Variants in EXT1 observed in about 807,000 individuals in gnomAD.
The protein encoded by EXT1 is exostosin-1.
Under a neutral mutation model 82.5 loss-of-function variants are expected in EXT1, and 20 were observed. The ratio of observed to expected loss-of-function variants is 0.24; its 90% CI spans 0.17 to 0.35. EXT1 has a LOEUF of 0.35. Ranked by LOEUF, EXT1 falls within the 10% of genes least tolerant of loss-of-function variation. EXT1 has a pLI of 1.00. For missense variants in EXT1, 757 were observed against 936.5 expected (o/e 0.81, Z 2.50); for synonymous variants, 348 against 350.8 (o/e 0.99, Z 0.09).
chr8:117,951,061 C>A (rs1814481988), intron 1 of EXT1, among the ~76,000 whole-genome samples: 1 of 152,240 alleles, frequency 6.6e-6, no homozygotes, highest in African/African-American at 2.4e-5. Flanking sequence ...AGTTAAAAAA[C>A]CTAATTGTAT....
Position 117,909,315 on chromosome 8 carries a change from C to G in EXT1, c.963-72114G>C, listed in dbSNP as rs184324712. On this transcript the variant is annotated intron_variant, in intron 1 of 10. Transcript: ENST00000378204. ...TACAAGAAAGAAAATTCACTTCTAG[C>G]ATGTTATCTTTATCATCATATTAGG... Among the ~76,000 whole-genome samples, 307 of 152,230 alleles carry G rather than the reference C, an allele frequency of 2.0e-3. 1 individual carries two copies. Among genetic ancestry groups the G allele is most frequent in the South Asian group, 0.013 (64 of 4,812 alleles).
chr8:117,868,917 C>A (rs1164557082), intron 1 of EXT1, among the ~76,000 whole-genome samples: 4 of 152,194 alleles, frequency 2.6e-5, no homozygotes, highest in Non-Finnish European at 5.9e-5. Context: ...CACATTAATG[C>A]TGATGTGGAG....
chr8:118,028,468 T>C (rs1333517590), intron 1 of EXT1, among the ~76,000 whole-genome samples: 2 of 152,166 alleles, frequency 1.3e-5, no homozygotes, highest in Non-Finnish European at 1.5e-5. Flanking sequence ...GGGTGTCTGA[T>C]AGCCTGGTAG....
intron 1 of EXT1, among the ~76,000 whole-genome samples, chr8:117,877,876 C>G (rs910144738): frequency 6.6e-6 from 1 of 152,090 alleles, no homozygotes; most frequent in Non-Finnish European, 1.5e-5. Flanking sequence ...CCTAAAATTA[C>G]GCAAAGACTA....
At chr8:117,858,803 GGC>G (rs1563582126) in intron 1 of EXT1, among the ~76,000 whole-genome samples, 22 of 80,342 alleles carry the variant, frequency 2.7e-4, no homozygotes, top group African/African-American at 1.4e-3. Flanking sequence ...GGCAAGGCAA[GGC>G]AAGGCAGGAA....
chr8:117,965,242 T>G (rs955293679), intron 1 of EXT1, among the ~76,000 whole-genome samples: 1 of 152,164 alleles, frequency 6.6e-6, no homozygotes, highest in Admixed American at 6.5e-5. Context: ...TCTTTAGTCC[T>G]AAGCACAGAG....
chr8:118,069,719 GGTTTTT>G (rs1388775780), intron 1 of EXT1, among the ~76,000 whole-genome samples: 1 of 152,052 alleles, frequency 6.6e-6, no homozygotes, highest in Non-Finnish European at 1.5e-5. Context: ...CATTGGCTTG[GGTTTTT>G]GTTTTTATTT....
At chr8:117,861,126 C>A (rs1483293016) in intron 1 of EXT1, among the ~76,000 whole-genome samples, 1 of 152,154 alleles carries the variant, frequency 6.6e-6, no homozygotes, top group Non-Finnish European at 1.5e-5. Flanking sequence ...TATCTTTCAG[C>A]CCTAACAATG....
chr8:117,929,676 A>C (rs954898021), intron 1 of EXT1, among the ~76,000 whole-genome samples: 4 of 152,208 alleles, frequency 2.6e-5, no homozygotes, highest in Non-Finnish European at 5.9e-5. Flanking sequence ...GAGTATGCCA[A>C]AGGTGAAGAT....
chr8:117,799,966 A>C lies in EXT1; in HGVS notation c.2056-69T>G, dbSNP rs918690441. 1.3e-6 allele frequency: 2 copies of C among 1,542,220 alleles called. 1 individual carries two copies. Among genetic ancestry groups the C allele is most frequent in the African/African-American group, 2.7e-5 (2 of 73,428 alleles). On this transcript the variant is annotated intron_variant, in intron 10 of 10. Transcript: ENST00000378204. Reference sequence around the variant, plus strand: ...AAGGTGAGATGGAAACATTGCAGAAAATGGAGTCAGGCAAATGAGCAAGCA... The same window carrying C: ...AAGGTGAGATGGAAACATTGCAGAACATGGAGTCAGGCAAATGAGCAAGCA...
intron 1 of EXT1, among the ~76,000 whole-genome samples, chr8:117,957,953 T>C (rs942288491): frequency 1.3e-5 from 2 of 152,228 alleles, no homozygotes; most frequent in African/African-American, 4.8e-5. Context: ...GTTGAGGTGA[T>C]CTTATCTTAA....
intron 1 of EXT1, among the ~76,000 whole-genome samples, chr8:118,057,846 G>A (rs553183615): frequency 1.3e-5 from 2 of 151,712 alleles, no homozygotes; most frequent in South Asian, 4.2e-4. Flanking sequence ...GGTGGCAGGC[G>A]CCTGTAGTCC....
intron 1 of EXT1, among the ~76,000 whole-genome samples, chr8:117,949,080 G>A (rs150515598): frequency 6.6e-6 from 1 of 152,136 alleles, no homozygotes; most frequent in African/African-American, 2.4e-5. Flanking sequence ...AATATTCTTT[G>A]TTGAGAGTAT....
intron 1 of EXT1, among the ~76,000 whole-genome samples, chr8:117,859,693 CTT>C (rs1166760991): frequency 6.6e-6 from 1 of 152,162 alleles, no homozygotes; most frequent in Non-Finnish European, 1.5e-5. Context: ...ACTTTGGAAG[CTT>C]TTTGGTTTTA....
intron 1 of EXT1, among the ~76,000 whole-genome samples, chr8:117,860,058 A>G (rs60499848): frequency 0.012 from 1,694 of 146,428 alleles, 37 homozygotes; most frequent in African/African-American, 0.04. Context: ...GAGGCAGGAG[A>G]ATTGCTTGGA....
chr8:117,898,344 G>A (rs1351847497), intron 1 of EXT1, among the ~76,000 whole-genome samples: 1 of 152,182 alleles, frequency 6.6e-6, no homozygotes, highest in Non-Finnish European at 1.5e-5. Flanking sequence ...CACTGTCCCA[G>A]GCAAGGCCAG....
intron 7 of EXT1, among the ~76,000 whole-genome samples, chr8:117,813,243 A>C (rs1275932435): frequency 1.3e-5 from 2 of 152,212 alleles, no homozygotes; most frequent in Non-Finnish European, 2.9e-5. Flanking sequence ...TCTGTAGAGG[A>C]GACCAAGAAG....
chr8:117,802,115 G>A (rs1477874175), intron 10 of EXT1, among the ~76,000 whole-genome samples: 1 of 152,206 alleles, frequency 6.6e-6, no homozygotes, highest in African/African-American at 2.4e-5. Flanking sequence ...ATGGAAAGAA[G>A]GGGGCAAATA....
intron 1 of EXT1, among the ~76,000 whole-genome samples, chr8:117,858,254 G>A (rs181436230): frequency 6.6e-6 from 1 of 152,358 alleles, no homozygotes; most frequent in East Asian, 1.9e-4. Context: ...AAGATCTACT[G>A]TAGGTAAAAT....
Sources: gnomAD v4.1 joint callset for allele counts (sites outside exome capture counted in the v4.1 genomes callset) on GRCh38, gnomAD v4.1.1 for gene constraint, MANE v1.5 for transcripts, NCBI Gene and HGNC (gene_info 2026-07-23, HGNC 2026-07-21) for gene names.